The following AGAP1 variants were observed in gnomAD, a reference collection of about 807,000 sequenced individuals.
The protein encoded by AGAP1 is ArfGAP with GTPase domain, ankyrin repeat and PH domain 1, also known as arf-GAP with GTPase, ANK repeat and PH domain-containing protein 1.
In AGAP1, 29 loss-of-function variants were observed where a neutral mutation model predicts 105.3. The observed-to-expected ratio is 0.28, with a 90% CI of 0.21 to 0.38. The LOEUF (loss-of-function observed/expected upper bound fraction) is 0.38. Ranked by LOEUF, AGAP1 falls within the 10% of genes least tolerant of loss-of-function variation. The pLI is 1.00. For missense variants in AGAP1, 998 were observed against 1,165.1 expected, an observed-to-expected ratio of 0.86 and a Z score of 2.09; for synonymous variants, 509 against 485.9, an observed-to-expected ratio of 1.05 and a Z score of -0.63.
intron 1 of AGAP1, among the ~76,000 whole-genome samples, chr2:235,504,150 T>G (rs1387334186): frequency 3.3e-5 from 5 of 151,048 alleles, no homozygotes; most frequent in Non-Finnish European, 7.4e-5. Flanking sequence ...CCTCGAACTC[T>G]CTTTTTTTTT....
In AGAP1 at chr2:235,981,670, G is replaced by A. The variant is rs2055102656; in HGVS notation, c.1645+13047G>A. Reference sequence around the variant, plus strand: ...GGCACTGGGCTTAAGTGCTTTACACGCAGCGTCTCATAACCCTCACAAGAA... The same window carrying A: ...GGCACTGGGCTTAAGTGCTTTACACACAGCGTCTCATAACCCTCACAAGAA... On this transcript the variant is annotated intron_variant, in intron 13 of 17. Coordinates refer to ENST00000304032, the MANE Select transcript of AGAP1 (RefSeq NM_001037131.3). This position sits in a 1 kb window ranked among gnomAD's most constrained non-coding sequence, Gnocchi z 5.5. 6.6e-6 allele frequency among the ~76,000 whole-genome samples: 1 copy of A among 152,106 alleles called. No individual in the cohort carries two copies. The highest frequency in any genetic ancestry group is 1.5e-5 in the Non-Finnish European group (1 of 68,024).
At chr2:235,828,033 C>G (rs1465041159) in intron 9 of AGAP1, among the ~76,000 whole-genome samples, 1 of 152,226 alleles carries the variant, frequency 6.6e-6, no homozygotes, top group African/African-American at 2.4e-5. Flanking sequence ...TGCATTTTGA[C>G]AGACTTACAA....
At chr2:236,017,114 C>A (rs1039415653) in intron 13 of AGAP1, among the ~76,000 whole-genome samples, 9 of 151,542 alleles carry the variant, frequency 5.9e-5, no homozygotes, top group Non-Finnish European at 1.5e-5. Flanking sequence ...CACGGTGAAA[C>A]CCCATCTCTA....
Position 235,739,390 on chromosome 2 carries a change from T to C in AGAP1, c.311-1573T>C, listed in dbSNP as rs891935074. Reference sequence around the variant, plus strand: ...TCTCGATTCAGGGACCCTGAGTCTTTGGGACCCTCGTGCAGCTGGGGCTCA... The same window carrying C: ...TCTCGATTCAGGGACCCTGAGTCTTCGGGACCCTCGTGCAGCTGGGGCTCA... On this transcript the variant is annotated intron_variant, in intron 3 of 17. Transcript: ENST00000304032. The surrounding 1 kb of genome is among the most constrained non-coding windows in gnomAD (Gnocchi z 5.3). Among the ~76,000 whole-genome samples the C allele has an allele frequency of 6.6e-6, 1 of 152,240 alleles. No homozygotes were observed. Among genetic ancestry groups the C allele is most frequent in the Non-Finnish European group, 1.5e-5 (1 of 68,036 alleles).
chr2:235,646,458 G>A (rs1162612676), intron 1 of AGAP1, among the ~76,000 whole-genome samples: 3 of 152,142 alleles, frequency 2.0e-5, no homozygotes, highest in East Asian at 3.9e-4. Flanking sequence ...TCTAAGATGT[G>A]CCTCAGGAAT....
chr2:235,874,043 G>T lies in AGAP1; in HGVS notation c.1051-9302G>T, dbSNP rs2049583509. On this transcript the variant is annotated intron_variant, in intron 9 of 17. Transcript: ENST00000304032. This position sits in a 1 kb window ranked among gnomAD's most constrained non-coding sequence, Gnocchi z 4.5. ...CACGCCCAGCCCAGAACCGCATTCT[G>T]TTTTTTGTTTTGTTTTGTTTTTGTT... Among the ~76,000 whole-genome samples the T allele has an allele frequency of 6.6e-6, 1 of 150,524 alleles. No homozygotes were observed.
rs1303272863 is a variant in AGAP1, at chr2:236,120,896, A to G, written c.2370+449A>G. On this transcript the variant is annotated intron_variant, in intron 17 of 17. Coordinates refer to ENST00000304032, the MANE Select transcript of AGAP1 (RefSeq NM_001037131.3). The surrounding 1 kb of genome is among the most constrained non-coding windows in gnomAD (Gnocchi z 6.0). The stretch of plus-strand genomic sequence containing the variant: ...TTTCGAACCATTCTGATTAATTTCT[A>G]CTGGGGAAAAGTATTATTTACATTC... Among the ~76,000 whole-genome samples, 3 of 152,234 alleles carry G rather than the reference A, an allele frequency of 2.0e-5. No homozygotes were observed. In the South Asian group the frequency reaches 6.2e-4, roughly 31 times the overall value.
Position 235,872,447 on chromosome 2 carries a change from G to A in AGAP1, c.1051-10898G>A, listed in dbSNP as rs566484650. 2.6e-5 allele frequency among the ~76,000 whole-genome samples: 4 copies of A among 152,182 alleles called. No individual in the cohort carries two copies. The South Asian group carries it at 6.2e-4, about 24-fold the overall frequency. On this transcript the variant is annotated intron_variant, in intron 9 of 17. Coordinates refer to ENST00000304032, the MANE Select transcript of AGAP1 (RefSeq NM_001037131.3). The surrounding 1 kb of genome is among the most constrained non-coding windows in gnomAD (Gnocchi z 4.5). ...ATGCATGGTGACATGCCACCATGCC[G>A]CTGGCCCTGGGTTATGCAGAATCAA...
At chr2:236,004,525 C>T (rs943658798) in intron 13 of AGAP1, among the ~76,000 whole-genome samples, 2 of 152,186 alleles carry the variant, frequency 1.3e-5, no homozygotes, top group Non-Finnish European at 2.9e-5. Flanking sequence ...TGTGTGGAAA[C>T]AGCTGGTCTA....
At chr2:235,531,676 C>G (rs1391153951) in intron 1 of AGAP1, among the ~76,000 whole-genome samples, 1 of 149,982 alleles carries the variant, frequency 6.7e-6, no homozygotes, top group Admixed American at 6.7e-5. Flanking sequence ...GGCGCGATCT[C>G]GGCTCAATGC....
chr2:235,818,284 A>G (rs1478677907), intron 9 of AGAP1, among the ~76,000 whole-genome samples: 2 of 152,362 alleles, frequency 1.3e-5, no homozygotes, highest in South Asian at 4.1e-4. Flanking sequence ...TTTGAGGTTC[A>G]GGGATGTTAA....
rs902640854 is a variant in AGAP1, at chr2:235,934,834, G to A, written c.1483+3911G>A. On this transcript the variant is annotated intron_variant, in intron 12 of 17. Coordinates refer to ENST00000304032, the MANE Select transcript of AGAP1 (RefSeq NM_001037131.3). This position sits in a 1 kb window ranked among gnomAD's most constrained non-coding sequence, Gnocchi z 4.9. ...TTGGCAAGTGTGCCTTCCCATTGTT[G>A]TGCACTCTTACTCTAAAACATAATA... Among the ~76,000 whole-genome samples the A allele has an allele frequency of 1.3e-5, 2 of 151,962 alleles. No individual in the cohort carries two copies. Among genetic ancestry groups the A allele is most frequent in the African/African-American group, 4.8e-5 (2 of 41,396 alleles).
chr2:235,629,790 GGAGGTCAA>G (rs1381193456), intron 1 of AGAP1, among the ~76,000 whole-genome samples: 1 of 149,790 alleles, frequency 6.7e-6, no homozygotes, highest in African/African-American at 2.5e-5. Context: ...CCTTGAGCCA[GGAGGTCAA>G]GACTGCAGTG....
rs539864695 is a variant in AGAP1, at chr2:235,689,161, G to A, written c.164-20018G>A. Among the ~76,000 whole-genome samples, 12 of 152,340 alleles carry A rather than the reference G, an allele frequency of 7.9e-5. No homozygotes were observed. Among genetic ancestry groups the A allele is most frequent in the South Asian group, 2.1e-4 (1 of 4,824 alleles). ...GAGTTAGGGGCTTCAGGGCTTCTGC[G>A]CTTTGCTGGCCCTTGTGCTGCCTTC... is the stretch of plus-strand genomic sequence containing the variant. On this transcript the variant is annotated intron_variant, in intron 1 of 17. Transcript: ENST00000304032. This position sits in a 1 kb window ranked among gnomAD's most constrained non-coding sequence, Gnocchi z 4.2.
chr2:235,710,732 T>C (rs1390478315), intron 2 of AGAP1, among the ~76,000 whole-genome samples: 1 of 152,198 alleles, frequency 6.6e-6, no homozygotes, highest in Non-Finnish European at 1.5e-5. Flanking sequence ...TGGCACAGGC[T>C]TGGCAATGCT....
Position 235,717,612 on chromosome 2 carries a change from C to T in AGAP1, c.278C>T (p.Thr93Met), listed in dbSNP as rs145578290. The T allele has an allele frequency of 5.0e-6, 8 of 1,604,760 alleles. No individual in the cohort carries two copies. The highest frequency in any genetic ancestry group is 4.5e-5 in the East Asian group (2 of 44,404). ...TCTGCCCTGGTGCACCGGTACCTGA[C>T]GGGCACATATGTCCAGGAGGAGTCT... ...GKSALVHRYL[T>M]GTYVQEESPE... Residue 93 changes from threonine (T) to methionine (M), a missense_variant, in exon 3 of 18, where the codon ACG becomes ATG. Coordinates refer to ENST00000304032, the MANE Select transcript of AGAP1 (RefSeq NM_001037131.3).
At position 235,692,582 on chromosome 2, in the gene AGAP1, GC is replaced by G. The variant is rs1949787456; in HGVS notation, c.164-16595del. On this transcript the variant is annotated intron_variant, in intron 1 of 17. Coordinates refer to ENST00000304032, the MANE Select transcript of AGAP1 (RefSeq NM_001037131.3). This position sits in a 1 kb window ranked among gnomAD's most constrained non-coding sequence, Gnocchi z 5.8. ...CTCTCCCCCCTTGCCCTCCCCCCTT[GC>G]CTTCCTGGGCCATCCTTTTCTGACT... 6.7e-6 allele frequency among the ~76,000 whole-genome samples: 1 copy of G among 150,208 alleles called. No homozygotes were observed. The highest frequency in any genetic ancestry group is 2.1e-4 in the South Asian group (1 of 4,724).
chr2:235,635,820 A>C lies in AGAP1; in HGVS notation c.164-73359A>C, dbSNP rs978338087. On this transcript the variant is annotated intron_variant, in intron 1 of 17. Coordinates refer to ENST00000304032, the MANE Select transcript of AGAP1 (RefSeq NM_001037131.3). The surrounding 1 kb of genome is among the most constrained non-coding windows in gnomAD (Gnocchi z 5.3). ...AAATGTTTTCCTTTCCGTGCTTTAAAAGTCTCATCTTAGACCGGGCACAGT... is the reference window on the plus strand; with the variant it reads ...AAATGTTTTCCTTTCCGTGCTTTAACAGTCTCATCTTAGACCGGGCACAGT... Among the ~76,000 whole-genome samples, 8 of 152,082 alleles carry C rather than the reference A, an allele frequency of 5.3e-5. No individual in the cohort carries two copies. The highest frequency in any genetic ancestry group is 1.9e-4 in the African/African-American group (8 of 41,408).
At position 236,045,422 on chromosome 2, in the gene AGAP1, C is replaced by T. The variant is rs2057688520; in HGVS notation, c.1892-3637C>T. Among the ~76,000 whole-genome samples the T allele has an allele frequency of 6.6e-6, 1 of 152,192 alleles. No homozygotes were observed. Among genetic ancestry groups the T allele is most frequent in the African/African-American group, 2.4e-5 (1 of 41,438 alleles). ...CGTGGGGCAGTCACTGCTCTAAGTG[C>T]CTCGTAGCTTTTAATCCTTCTGACA... On this transcript the variant is annotated intron_variant, in intron 15 of 17. Transcript: ENST00000304032. This position sits in a 1 kb window ranked among gnomAD's most constrained non-coding sequence, Gnocchi z 6.9.
Sources: gnomAD v4.1 joint callset for allele counts (sites outside exome capture counted in the v4.1 genomes callset) on GRCh38, gnomAD v4.1.1 for gene constraint, Gnocchi (gnomAD v3.1) non-coding constraint, MANE v1.5 for transcripts, NCBI Gene and HGNC (gene_info 2026-07-23, HGNC 2026-07-21) for gene names.